The following KIF2A variants were observed in gnomAD, a reference collection of about 807,000 sequenced individuals.
KIF2A encodes kinesin-like protein KIF2A.
Under a neutral mutation model 100.2 loss-of-function variants are expected in KIF2A, and 22 were observed. The ratio of observed to expected loss-of-function variants is 0.22; its 90% CI spans 0.16 to 0.31. The LOEUF (loss-of-function observed/expected upper bound fraction) is 0.31. Ranked by LOEUF, KIF2A falls within the 10% of genes least tolerant of loss-of-function variation. The pLI is 1.00. For missense variants in KIF2A, 495 were observed against 898.7 expected, an observed-to-expected ratio of 0.55 and a Z score of 5.74; for synonymous variants, 268 against 285.9, an observed-to-expected ratio of 0.94 and a Z score of 0.63.
chr5:62,342,646 A>C (rs565527177), intron 1 of KIF2A, among the ~76,000 whole-genome samples: 9 of 152,188 alleles, frequency 5.9e-5, no homozygotes, highest in Non-Finnish European at 1.3e-4. Flanking sequence ...TTAGATCTGC[A>C]TCAAGGTCTG....
chr5:62,365,730 T>C (rs1741035741), intron 15 of KIF2A, among the ~76,000 whole-genome samples: 1 of 152,172 alleles, frequency 6.6e-6, no homozygotes, highest in Non-Finnish European at 1.5e-5. Context: ...TTCTGAAGAT[T>C]ATTGGTTTTT....
intron 1 of KIF2A, among the ~76,000 whole-genome samples, chr5:62,346,295 T>G (rs1009969263): frequency 2.6e-5 from 4 of 152,274 alleles, no homozygotes; most frequent in East Asian, 1.9e-4. Flanking sequence ...TAGATTTGGA[T>G]AGACAACATA....
intron 19 of KIF2A, among the ~76,000 whole-genome samples, chr5:62,380,717 G>A (rs1174601061): frequency 6.6e-6 from 1 of 152,114 alleles, no homozygotes; most frequent in Non-Finnish European, 1.5e-5. Flanking sequence ...CGTAAGAAAG[G>A]AGAATTATAT....
rs186337640 is a variant in KIF2A, at chr5:62,363,976, G to C, written c.1467+77G>C. 1.8e-4 allele frequency: 199 copies of C among 1,121,942 alleles called. 1 individual carries two copies. The highest frequency in any genetic ancestry group is 6.0e-4 in the Admixed American group (24 of 39,906). 69.5% of individuals were successfully genotyped at this position (1,121,942 alleles called of 1,614,324 possible). On this transcript the variant is annotated intron_variant, in intron 14 of 20. Transcript: ENST00000407818. ...TTCTTTACTCAGTTGCAAAATAGTAGTACTTGTTTTACCTAATAAAAAGAG... is the reference window on the plus strand; with the variant it reads ...TTCTTTACTCAGTTGCAAAATAGTACTACTTGTTTTACCTAATAAAAAGAG...
intron 1 of KIF2A, among the ~76,000 whole-genome samples, chr5:62,335,538 G>A (rs868595734): frequency 7.2e-5 from 11 of 152,300 alleles, no homozygotes; most frequent in Middle Eastern, 3.4e-3. Context: ...AGGAGCTCAA[G>A]GGAGGGTCAC....
chr5:62,342,043 C>G (rs773740644), intron 1 of KIF2A, among the ~76,000 whole-genome samples: 1 of 152,190 alleles, frequency 6.6e-6, no homozygotes, highest in Non-Finnish European at 1.5e-5. Context: ...CTTCCTTAGG[C>G]TGAAATATTT....
chr5:62,383,576 A>G (rs981291402), intron 20 of KIF2A, among the ~76,000 whole-genome samples: 5 of 152,098 alleles, frequency 3.3e-5, no homozygotes, highest in African/African-American at 1.2e-4. Flanking sequence ...GATGTTCAAC[A>G]CATATATGTT....
At chr5:62,339,844 T>G (rs571839572) in intron 1 of KIF2A, among the ~76,000 whole-genome samples, 2 of 151,350 alleles carry the variant, frequency 1.3e-5, no homozygotes, top group Non-Finnish European at 2.9e-5. Context: ...CTGTTTAGAT[T>G]TCTGTGTGTG....
At chr5:62,376,869 G>C (rs1741574684) in intron 18 of KIF2A, among the ~76,000 whole-genome samples, 1 of 152,114 alleles carries the variant, frequency 6.6e-6, no homozygotes, top group Non-Finnish European at 1.5e-5. Context: ...ATGGAGGATT[G>C]GTTCCAGGAC....
intron 1 of KIF2A, among the ~76,000 whole-genome samples, chr5:62,312,943 G>A (rs1182973214): frequency 6.6e-6 from 1 of 152,080 alleles, no homozygotes; most frequent in Non-Finnish European, 1.5e-5. Flanking sequence ...ATTCACTAGG[G>A]TGTGTGATAT....
intron 1 of KIF2A, among the ~76,000 whole-genome samples, chr5:62,312,536 A>G (rs1270219212): frequency 1.3e-5 from 2 of 152,068 alleles, no homozygotes; most frequent in Non-Finnish European, 2.9e-5. Flanking sequence ...GTGTTTGTTT[A>G]TTTGTTTGTT....
At position 62,386,533 on chromosome 5, in the gene KIF2A, C is replaced by T. The variant is rs1042088152; in HGVS notation, c.*964C>T. On this transcript the variant is annotated 3_prime_UTR_variant, in exon 21 of 21. Transcript: ENST00000407818. ...CCCCAAAATATACCTTTTCTATGTA[C>T]TGTTAAAAGAAATTGGCTTCTGATG... 6.6e-6 allele frequency: 1 copy of T among 152,174 alleles called. No homozygotes were observed. Among genetic ancestry groups the T allele is most frequent in the South Asian group, 2.1e-4 (1 of 4,834 alleles). The allele number at this position is 152,174 out of a possible 1,614,324, so 9.4% of individuals were successfully genotyped here.
chr5:62,355,054 G>C (rs569138276), intron 6 of KIF2A, 105 bp from the exon 7 acceptor site: 3 of 606,690 alleles, frequency 4.9e-6, no homozygotes, highest in African/African-American at 3.8e-5. Context: ...GTTTAGGCTT[G>C]GTTATGACAA....
chr5:62,364,587 C>G (rs438143), intron 14 of KIF2A, among the ~76,000 whole-genome samples: 72,945 of 151,718 alleles, frequency 0.48, 18,314 homozygotes, highest in East Asian at 0.63. Flanking sequence ...GAGTAGAACA[C>G]CAAAGGTTGG....
chr5:62,377,690 T>C lies in KIF2A; in HGVS notation c.1941T>C (p.Thr647=), dbSNP rs1580099852. 11 of 1,554,164 alleles carry C rather than the reference T, an allele frequency of 7.1e-6. No homozygotes were observed. Among genetic ancestry groups the C allele is most frequent in the Non-Finnish European group, 9.6e-6 (11 of 1,147,144 alleles). Residue 647 remains threonine, a synonymous_variant, in exon 19 of 21, where the codon ACT becomes ACC. Coordinates refer to ENST00000407818, the MANE Select transcript of KIF2A (RefSeq NM_001098511.3). ...NEEEVSPQLF[T]FHEAVSQMVE... Reference sequence around the variant, plus strand: ...AAGAAGTCTCTCCACAGTTGTTTACTTTCCACGAAGCTGTTTCACAAATGG... The same window carrying C: ...AAGAAGTCTCTCCACAGTTGTTTACCTTCCACGAAGCTGTTTCACAAATGG...
intron 1 of KIF2A, among the ~76,000 whole-genome samples, chr5:62,336,904 A>G (rs1053160463): frequency 6.6e-6 from 1 of 152,246 alleles, no homozygotes; most frequent in Non-Finnish European, 1.5e-5. Flanking sequence ...GTTTACCAAA[A>G]TACTAGGAAT....
At chr5:62,379,133 G>A (rs2112001582) in intron 19 of KIF2A, among the ~76,000 whole-genome samples, 1 of 152,146 alleles carries the variant, frequency 6.6e-6, no homozygotes, top group Admixed American at 6.5e-5. Context: ...AAAGAAAAGT[G>A]TCATATGTGC....
rs971604617 is a variant in KIF2A at position 62,389,323 on chromosome 5, TAA to T, written c.*3758_*3759del. Among the ~76,000 whole-genome samples, 1 of 151,608 alleles carries T rather than the reference TAA, an allele frequency of 6.6e-6. No individual in the cohort carries two copies. Among genetic ancestry groups the T allele is most frequent in the African/African-American group, 2.4e-5 (1 of 41,274 alleles). ...CAACATGGTGAAACCCCGTCTCTAC[TAA>T]AAATACAAAAATTAGCCTGGCATGG... On this transcript the variant is annotated 3_prime_UTR_variant, in exon 21 of 21. Coordinates refer to ENST00000407818, the MANE Select transcript of KIF2A (RefSeq NM_001098511.3).
At position 62,352,257 on chromosome 5, in the gene KIF2A, G is replaced by GTTTATACATATATATTTTT. The variant is rs1178230782; in HGVS notation, c.335-328_335-327insATACATATATATTTTTTTT. ...CGGTTTATATATACATATATATTTT[G>GTTTATACATATATATTTTT]TTTTCACATATATATTTTAAAGGAT... On this transcript the variant is annotated intron_variant, in intron 4 of 20. Transcript: ENST00000407818. Among the ~76,000 whole-genome samples, 6 of 151,058 alleles carry GTTTATACATATATATTTTT rather than the reference G, an allele frequency of 4.0e-5. No homozygotes were observed. The East Asian group carries it at 1.2e-3, about 29-fold the overall frequency.
Sources: gnomAD v4.1 joint callset for allele counts (sites outside exome capture counted in the v4.1 genomes callset) on GRCh38, gnomAD v4.1.1 for gene constraint, MANE v1.5 for transcripts, NCBI Gene and HGNC (gene_info 2026-07-23, HGNC 2026-07-21) for gene names.